Variants in TCEANC observed in about 807,000 individuals in gnomAD.
TCEANC encodes transcription elongation factor A N-terminal and central domain containing.
A neutral mutation model predicts 8.7 loss-of-function variants in TCEANC; 8 were observed. The observed-to-expected ratio is 0.92, with a 90% CI of 0.54 to 1.65. The LOEUF (loss-of-function observed/expected upper bound fraction) is 1.65. Among genes scored for constraint, TCEANC ranks in the 40% most tolerant of loss-of-function variants. TCEANC has a pLI of 0.00. For missense variants in TCEANC, 255 were observed against 251.9 expected, an observed-to-expected ratio of 1.01 and a Z score of -0.08; for synonymous variants, 78 against 92.9, an observed-to-expected ratio of 0.84 and a Z score of 0.92.
exon 2 of TCEANC, chrX:13,662,553 G>A: frequency 8.3e-7 from 1 of 1,211,503 alleles, no homozygotes; most frequent in Non-Finnish European, 1.1e-6. Context: ...CTCTTATTGA[G>A]CAACTGATGT....
At chrX:13,656,491 G>A (rs2146724219) in intron 1 of TCEANC, among the ~76,000 whole-genome samples, 1 of 112,313 alleles carries the variant, frequency 8.9e-6, no homozygotes, top group East Asian at 2.8e-4. Flanking sequence ...AAGTTTGACT[G>A]GATTTAAATC....
chrX:13,663,459 T>C, exon 2 of TCEANC: 1 of 1,178,697 alleles, frequency 8.5e-7, no homozygotes, highest in Non-Finnish European at 1.1e-6. Context: ...CACTTTTCCT[T>C]CCCAGCTGGG....
intron 1 of TCEANC, among the ~76,000 whole-genome samples, chrX:13,658,996 C>A (rs753408131): frequency 8.9e-6 from 1 of 112,271 alleles, no homozygotes; most frequent in South Asian, 3.7e-4. Flanking sequence ...TTAAAGACTG[C>A]ATACAGTAAA....
chrX:13,658,589 A>G (rs946902177), intron 1 of TCEANC, among the ~76,000 whole-genome samples: 1 of 111,987 alleles, frequency 8.9e-6, no homozygotes, highest in African/African-American at 3.3e-5. Context: ...GAAAAATGGT[A>G]TGGTGAGAAA....
At chrX:13,657,228 T>C (rs911851293) in intron 1 of TCEANC, among the ~76,000 whole-genome samples, 11 of 112,399 alleles carry the variant, frequency 9.8e-5, no homozygotes, top group Non-Finnish European at 1.7e-4. Flanking sequence ...GTGAATTCAC[T>C]TTAAGGAAAC....
At chrX:13,653,163 C>T (rs1168248081), upstream of TCEANC, 1 of 113,099 alleles carries the variant, frequency 8.8e-6, no homozygotes, top group African/African-American at 3.2e-5. Flanking sequence ...CGGCTGAAGG[C>T]TCCGGAACTG....
At position 13,663,403 on chromosome X, in the gene TCEANC, C is replaced by T. The variant is rs773505107; in HGVS notation, c.895C>T (p.Arg299Cys). The change falls in exon 2 of 2, where the codon CGC (arginine) becomes TGC (cysteine). Residue 299 changes from arginine (R) to cysteine (C), a missense_variant. By Grantham distance (180) the Arg-to-Cys change is radical. Coordinates refer to ENST00000380600, the Ensembl canonical transcript of TCEANC. ...ACAGACAAATAAAATAAAATGCAGA[C>T]GCTGTGAGAAATACAATTGCAAAGT... 40 of 1,186,357 alleles carry T rather than the reference C, an allele frequency of 3.4e-5. No individual in the cohort carries two copies. The highest frequency in any genetic ancestry group is 6.1e-5 in the East Asian group (2 of 32,643).
At chrX:13,662,686 C>A (rs1319621495) in exon 2 of TCEANC, 3 of 1,211,526 alleles carry the variant, frequency 2.5e-6, no homozygotes, top group South Asian at 3.5e-5. Context: ...CAAAAACTGC[C>A]CCTCTGTGGC....
At chrX:13,661,769 A>T (rs767230743) in intron 1 of TCEANC, among the ~76,000 whole-genome samples, 3 of 112,515 alleles carry the variant, frequency 2.7e-5, no homozygotes, top group Non-Finnish European at 3.7e-5. Flanking sequence ...ACACTTAAAA[A>T]TTTTTTAAAA....
At chrX:13,662,839 C>G in exon 2 of TCEANC, 3 of 1,211,462 alleles carry the variant, frequency 2.5e-6, no homozygotes, top group Non-Finnish European at 3.4e-6. Context: ...TGACCCAAGT[C>G]AGAATGAGAC....
exon 2 of TCEANC, chrX:13,662,590 A>C: frequency 8.3e-7 from 1 of 1,211,874 alleles, no homozygotes; most frequent in Middle Eastern, 2.3e-4. Context: ...GGATCTTGGC[A>C]ACCACCTTAC....
exon 2 of TCEANC, chrX:13,663,262 G>A (rs1383767243): frequency 1.7e-6 from 2 of 1,202,799 alleles, no homozygotes; most frequent in South Asian, 1.8e-5. Context: ...GTCTCCACGA[G>A]AATTTGCTGA....
intron 1 of TCEANC, among the ~76,000 whole-genome samples, chrX:13,661,403 G>A (rs2045965561): frequency 8.9e-6 from 1 of 112,237 alleles, no homozygotes; most frequent in East Asian, 2.8e-4. Flanking sequence ...ATTTATGGAA[G>A]TAGAATTACT....
At chrX:13,655,826 A>T (rs772706102) in intron 1 of TCEANC, among the ~76,000 whole-genome samples, 23 of 112,897 alleles carry the variant, frequency 2.0e-4, no homozygotes, top group Non-Finnish European at 3.7e-4. Context: ...GTGAGAGATC[A>T]GCCAGGCTCG....
At chrX:13,657,238 C>T (rs753952941) in intron 1 of TCEANC, among the ~76,000 whole-genome samples, 11 of 111,833 alleles carry the variant, frequency 9.8e-5, no homozygotes, top group Admixed American at 8.5e-4. Context: ...TTTAAGGAAA[C>T]GAGAGATGTG....
At chrX:13,664,349 G>T (rs1031506396) in exon 2 of TCEANC, 3 of 122,549 alleles carry the variant, frequency 2.4e-5, no homozygotes, top group Admixed American at 9.5e-5. Flanking sequence ...GGAGGTCGGG[G>T]ACAAAATGAA....
chrX:13,661,506 G>A (rs2045966208), intron 1 of TCEANC, among the ~76,000 whole-genome samples: 3 of 112,267 alleles, frequency 2.7e-5, no homozygotes, highest in South Asian at 3.6e-4. Flanking sequence ...CTTAGCCTGT[G>A]TATGTTCGGT....
rs1334116020 is a variant in TCEANC at position 13,657,826 on chromosome X, AAC to A, written c.-9+2464_-9+2465del. ...CCATCTCAAAAAAAAAAAAAAAAAAAACACACACACACTTGTACACAAATGTT... is the reference window on the plus strand; with the variant it reads ...CCATCTCAAAAAAAAAAAAAAAAAAAACACACACACTTGTACACAAATGTT... On this transcript the variant is annotated intron_variant, in intron 1 of 1. Transcript: ENST00000380600. Among the ~76,000 whole-genome samples the A allele has an allele frequency of 9.5e-3, 757 of 79,321 alleles. 14 individuals are homozygous for A. The highest frequency in any genetic ancestry group is 0.038 in the African/African-American group (723 of 19,002). 68.9% of individuals were successfully genotyped at this position (79,321 alleles called of 115,157 possible). A position where few individuals can be genotyped will look rare whatever the true frequency, so the allele number is the denominator to read the frequency against.
At chrX:13,654,410 T>G (rs2045907816), upstream of TCEANC, among the ~76,000 whole-genome samples, 3 of 112,784 alleles carry the variant, frequency 2.7e-5, no homozygotes, top group Admixed American at 2.8e-4. Flanking sequence ...CTGCTGTTGC[T>G]GCTACAATAG....
Sources: gnomAD v4.1 joint callset for allele counts (sites outside exome capture counted in the v4.1 genomes callset) on GRCh38, gnomAD v4.1.1 for gene constraint, MANE v1.5 for transcripts, NCBI Gene and HGNC (gene_info 2026-07-23, HGNC 2026-07-21) for gene names.